TRAPPC9: variants seen among roughly 807,000 people sequenced by gnomAD.
The protein encoded by TRAPPC9 is IKK2 binding protein.
In TRAPPC9, 83 loss-of-function variants were observed where a neutral mutation model predicts 124.0. The ratio of observed to expected loss-of-function variants is 0.67; its 90% CI spans 0.56 to 0.80. The LOEUF (loss-of-function observed/expected upper bound fraction) is 0.80. Among genes scored for constraint, TRAPPC9 ranks in the 30% least tolerant of loss-of-function variants. The pLI is 0.00. For synonymous variants in TRAPPC9, 638 were observed against 617.5 expected (o/e 1.03, Z -0.49); for missense variants, 1,302 against 1,508.3 (o/e 0.86, Z 2.27).
At chr8:140,058,921 G>A (rs1842435287) in intron 17 of TRAPPC9, among the ~76,000 whole-genome samples, 1 of 152,194 alleles carries the variant, frequency 6.6e-6, no homozygotes. Context: ...CTGCATACTA[G>A]AAACTCCTGG....
chr8:140,289,174 A>AGTGTGTGTGTGTGT (rs71320349), intron 12 of TRAPPC9, among the ~76,000 whole-genome samples: 1 of 148,314 alleles, frequency 6.7e-6, no homozygotes, highest in East Asian at 2.0e-4. Flanking sequence ...ATATATATAT[A>AGTGTGTGTGTGTGT]GTGTGTGTGT....
At chr8:140,092,401 T>G (rs1318457216) in intron 17 of TRAPPC9, among the ~76,000 whole-genome samples, 4 of 152,088 alleles carry the variant, frequency 2.6e-5, no homozygotes, top group African/African-American at 9.7e-5. Flanking sequence ...TTCACCATGT[T>G]GGCCAGGCTG....
At chr8:139,952,938 C>A (rs1834734878) in intron 19 of TRAPPC9, among the ~76,000 whole-genome samples, 1 of 152,178 alleles carries the variant, frequency 6.6e-6, no homozygotes, top group South Asian at 2.1e-4. Context: ...TTTCCAAGAC[C>A]CCACGGCTTG....
chr8:140,392,061 A>G (rs1327927776), intron 7 of TRAPPC9, among the ~76,000 whole-genome samples: 4 of 152,152 alleles, frequency 2.6e-5, no homozygotes, highest in African/African-American at 4.8e-5. Context: ...GTGAATTTCA[A>G]TCATTTGGGT....
At chr8:140,424,871 TG>T (rs2070367321) in intron 5 of TRAPPC9, among the ~76,000 whole-genome samples, 2 of 152,162 alleles carry the variant, frequency 1.3e-5, no homozygotes, top group African/African-American at 4.8e-5. Flanking sequence ...GAAAAAAATT[TG>T]GAAACAGTTT....
intron 20 of TRAPPC9, among the ~76,000 whole-genome samples, chr8:139,891,702 A>C (rs747097730): frequency 1.3e-5 from 2 of 152,238 alleles, no homozygotes; most frequent in Non-Finnish European, 2.9e-5. Flanking sequence ...GAGGGCAAGC[A>C]AAAAATGCAG....
intron 16 of TRAPPC9, among the ~76,000 whole-genome samples, chr8:140,242,959 A>T (rs112899442): frequency 7.9e-5 from 12 of 152,282 alleles, no homozygotes; most frequent in African/African-American, 2.9e-4. Flanking sequence ...TGAAGGGGAA[A>T]GAGTAAGGAG....
chr8:140,450,537 C>A (rs958579207), intron 2 of TRAPPC9, among the ~76,000 whole-genome samples: 1 of 152,146 alleles, frequency 6.6e-6, no homozygotes, highest in African/African-American at 2.4e-5. Flanking sequence ...GGGAGCCCCA[C>A]TAAAAAGAGG....
At position 140,270,891 on chromosome 8, in the gene TRAPPC9, C is replaced by T. The variant is rs187929404; in HGVS notation, c.2278+4767G>A. On this transcript the variant is annotated intron_variant, in intron 15 of 22. Coordinates refer to ENST00000438773, the MANE Select transcript of TRAPPC9 (RefSeq NM_001160372.4). ...GCAGAGGCTGGGCCACACAGGGCCGCGGGGGCCAGGGCGACAGCAGCCACT... is the reference window on the plus strand; with the variant it reads ...GCAGAGGCTGGGCCACACAGGGCCGTGGGGGCCAGGGCGACAGCAGCCACT... Among the ~76,000 whole-genome samples, 124 of 152,298 alleles carry T rather than the reference C, an allele frequency of 8.1e-4. 2 individuals are homozygous for T. Among genetic ancestry groups the T allele is most frequent in the African/African-American group, 2.4e-3 (99 of 41,570 alleles).
chr8:140,031,469 C>A (rs1435654411), intron 17 of TRAPPC9, among the ~76,000 whole-genome samples: 1 of 152,204 alleles, frequency 6.6e-6, no homozygotes, highest in Admixed American at 6.5e-5. Flanking sequence ...TGAAGTAGAT[C>A]TCTAATATTT....
At chr8:140,129,810 G>C (rs1278588464) in intron 17 of TRAPPC9, among the ~76,000 whole-genome samples, 1 of 152,204 alleles carries the variant, frequency 6.6e-6, no homozygotes, top group East Asian at 1.9e-4. Flanking sequence ...CTCATGTTTT[G>C]CGATGTATAG....
At chr8:140,397,278 C>T (rs922076387) in intron 7 of TRAPPC9, among the ~76,000 whole-genome samples, 1 of 152,076 alleles carries the variant, frequency 6.6e-6, no homozygotes, top group African/African-American at 2.4e-5. Flanking sequence ...ACCCAACACC[C>T]CAAACAGGGT....
chr8:139,802,709 G>C (rs1823624682), intron 21 of TRAPPC9, among the ~76,000 whole-genome samples: 1 of 152,206 alleles, frequency 6.6e-6, no homozygotes, highest in African/African-American at 2.4e-5. Flanking sequence ...GACGATGATG[G>C]GAATGCTTTC....
Position 139,910,234 on chromosome 8 carries a change from T to C in TRAPPC9, c.2877A>G (p.Gln959=), listed in dbSNP as rs1831633341. The C allele has an allele frequency of 1.2e-6, 2 of 1,613,976 alleles. No individual in the cohort carries two copies. The highest frequency in any genetic ancestry group is 2.2e-5 in the East Asian group (1 of 44,854). The change falls in exon 20 of 23, where the codon CAA becomes CAG. Residue 959 remains glutamine (Q), a synonymous_variant. Coordinates refer to ENST00000438773, the MANE Select transcript of TRAPPC9 (RefSeq NM_001160372.4). The part of the protein sequence containing the change: ...SFPESPGEKG[Q]FANPKQLEEE... Reference sequence around the variant, plus strand: ...CCTCCAGCTGCTTGGGGTTTGCAAATTGCCCCTTCTCCCCAGGGGACTCCG... The same window carrying C: ...CCTCCAGCTGCTTGGGGTTTGCAAACTGCCCCTTCTCCCCAGGGGACTCCG...
At chr8:139,888,335 G>C (rs1830139719) in intron 20 of TRAPPC9, among the ~76,000 whole-genome samples, 2 of 152,182 alleles carry the variant, frequency 1.3e-5, no homozygotes, top group African/African-American at 4.8e-5. Context: ...AATGAGCTTT[G>C]GTTAATTTAC....
At chr8:140,413,667 C>G (rs996395999) in intron 5 of TRAPPC9, among the ~76,000 whole-genome samples, 2 of 106,062 alleles carry the variant, frequency 1.9e-5, no homozygotes, top group Non-Finnish European at 3.6e-5. Flanking sequence ...CCCCTCCCCC[C>G]ACCCCACAAC....
chr8:139,957,711 G>C (rs1328580111), intron 19 of TRAPPC9, among the ~76,000 whole-genome samples: 1 of 152,172 alleles, frequency 6.6e-6, no homozygotes, highest in Non-Finnish European at 1.5e-5. Flanking sequence ...GAAACCCTCA[G>C]CCACAGCCGC....
intron 17 of TRAPPC9, among the ~76,000 whole-genome samples, chr8:140,186,242 C>T (rs1262635453): frequency 6.6e-6 from 1 of 152,192 alleles, no homozygotes; most frequent in African/African-American, 2.4e-5. Flanking sequence ...AATTTCTATA[C>T]ATTTTTATCA....
chr8:140,440,719 C>T (rs918490669), intron 2 of TRAPPC9, among the ~76,000 whole-genome samples: 1 of 152,046 alleles, frequency 6.6e-6, no homozygotes, highest in Non-Finnish European at 1.5e-5. Flanking sequence ...TCAATTCAGT[C>T]GTAGGGAGAG....
Sources: gnomAD v4.1 joint callset for allele counts (sites outside exome capture counted in the v4.1 genomes callset) on GRCh38, gnomAD v4.1.1 for gene constraint, MANE v1.5 for transcripts, NCBI Gene and HGNC (gene_info 2026-07-23, HGNC 2026-07-21) for gene names.